The following TINAGL1 variants were observed in gnomAD, a reference collection of about 807,000 sequenced individuals.
The protein encoded by TINAGL1 is tubulointerstitial nephritis antigen like 1, also known as tubulointerstitial nephritis antigen-like.
Under a neutral mutation model 62.0 loss-of-function variants are expected in TINAGL1, and 34 were observed. That is an observed-to-expected ratio of 0.55 (90% CI 0.42 to 0.73). TINAGL1 has a LOEUF of 0.73. Ranked by LOEUF, TINAGL1 falls within the 30% of genes least tolerant of loss-of-function variation. The probability of loss-of-function intolerance (pLI) is 0.00; values close to 1 mark genes in which losing one functional copy is unlikely to be tolerated. For missense variants in TINAGL1, 516 were observed against 653.2 expected (o/e 0.79, Z 2.29); for synonymous variants, 221 against 249.7 (o/e 0.88, Z 1.08).
chr1:31,583,162 A>G lies in TINAGL1; in HGVS notation c.388A>G (p.Asn130Asp), dbSNP rs1437562940. The change falls in exon 4 of 12, where the codon AAC becomes GAC. Residue 130 changes from asparagine to aspartate, a missense_variant. By Grantham distance (23) the Asn-to-Asp change is conservative. Transcript: ENST00000271064. The surrounding 1 kb of genome is among the most constrained non-coding windows in gnomAD (Gnocchi z 4.4). The part of the protein sequence containing the change: ...DNCNRCTCQE[N>D]RQWQCDQEPC... Reference sequence around the variant, plus strand: ...TTTTCTCACCAGCACCTGCCAGGAGAACAGGCAGTGGCAGTGTGACCAAGA... The same window carrying G: ...TTTTCTCACCAGCACCTGCCAGGAGGACAGGCAGTGGCAGTGTGACCAAGA... 6.8e-6 allele frequency: 11 copies of G among 1,613,926 alleles called. No individual in the cohort carries two copies. Among genetic ancestry groups the G allele is most frequent in the Non-Finnish European group, 9.3e-6 (11 of 1,179,960 alleles).
At chr1:31,579,434 T>TAG (rs1329913165) in intron 3 of TINAGL1, among the ~76,000 whole-genome samples, 167 bp downstream of exon 3, 1 of 152,216 alleles carries the variant, frequency 6.6e-6, no homozygotes, top group African/African-American at 2.4e-5. Context: ...CAAGTCAACT[T>TAG]ATCTAACATC....
intron 3 of TINAGL1, among the ~76,000 whole-genome samples, chr1:31,581,402 G>A (rs1361021497): frequency 3.3e-5 from 5 of 152,084 alleles, no homozygotes; most frequent in Non-Finnish European, 4.4e-5. Flanking sequence ...AGGGGCGAGA[G>A]GTAGGTGGAT....
In TINAGL1 at chr1:31,587,014, C is replaced by T. The variant is rs1442345033; in HGVS notation, c.*35C>T. 2 of 1,431,622 alleles carry T rather than the reference C, an allele frequency of 1.4e-6. No homozygotes were observed. The highest frequency in any genetic ancestry group is 1.5e-5 in the South Asian group (1 of 66,574). 88.7% of individuals were successfully genotyped at this position (1,431,622 alleles called of 1,614,324 possible). A position where few individuals can be genotyped will look rare whatever the true frequency, so the allele number is the denominator to read the frequency against. Reference sequence around the variant, plus strand: ...CACCACGCGGGGTCCGGCCTGGGATCCAGGCTAAGGGCCGGCGGAAGAGGC... The same window carrying T: ...CACCACGCGGGGTCCGGCCTGGGATTCAGGCTAAGGGCCGGCGGAAGAGGC... On this transcript the variant is annotated 3_prime_UTR_variant, in exon 12 of 12. Transcript: ENST00000271064.
chr1:31,582,819 G>C (rs115552456), intron 3 of TINAGL1, among the ~76,000 whole-genome samples: 244 of 151,942 alleles, frequency 1.6e-3, no homozygotes, highest in African/African-American at 5.7e-3. Context: ...AGGAAGGATA[G>C]AGTTGCCGTT....
In TINAGL1 at chr1:31,576,960, C is replaced by G; in HGVS notation, c.-15-174C>G. The G allele has an allele frequency of 1.7e-6, 1 of 589,928 alleles. No individual in the cohort carries two copies. 36.5% of individuals were successfully genotyped at this position (589,928 alleles called of 1,614,324 possible). Reference sequence around the variant, plus strand: ...CTCCGTTTCTGCCCAGTCCCCATCCCCCTATAGCCAGGGCCCACACACTGG... The same window carrying G: ...CTCCGTTTCTGCCCAGTCCCCATCCGCCTATAGCCAGGGCCCACACACTGG... On this transcript the variant is annotated intron_variant, in intron 1 of 11. Transcript: ENST00000271064. This position sits in a 1 kb window ranked among gnomAD's most constrained non-coding sequence, Gnocchi z 5.1.
chr1:31,580,495 T>C (rs1639214895), intron 3 of TINAGL1: 2 of 1,289,102 alleles, frequency 1.6e-6, no homozygotes, highest in African/African-American at 3.0e-5. Flanking sequence ...TGCTGCTGCC[T>C]AGGTGTGCAG....
Position 31,587,153 on chromosome 1 carries a change from G to A in TINAGL1, c.*174G>A, listed in dbSNP as rs543436980. The stretch of plus-strand genomic sequence containing the variant: ...ACGCAGCGCCCCGCCTGGGAGCCGC[G>A]GGCAGGCGAGACTGGCGGAGCCCCC... On this transcript the variant is annotated 3_prime_UTR_variant, in exon 12 of 12. Coordinates refer to ENST00000271064, the MANE Select transcript of TINAGL1 (RefSeq NM_022164.3). The A allele has an allele frequency of 3.8e-5, 40 of 1,039,232 alleles. No homozygotes were observed. The highest frequency in any genetic ancestry group is 3.4e-4 in the Middle Eastern group (1 of 2,912). 64.4% of individuals were successfully genotyped at this position (1,039,232 alleles called of 1,614,324 possible).
At position 31,587,160 on chromosome 1, in the gene TINAGL1, C is replaced by A. The variant is rs1639420554; in HGVS notation, c.*181C>A. ...GCCCCGCCTGGGAGCCGCGGGCAGG[C>A]GAGACTGGCGGAGCCCCCAGACCTC... On this transcript the variant is annotated 3_prime_UTR_variant, in exon 12 of 12. Transcript: ENST00000271064. 2 of 973,624 alleles carry A rather than the reference C, an allele frequency of 2.1e-6. No individual in the cohort carries two copies. Among genetic ancestry groups the A allele is most frequent in the Non-Finnish European group, 2.7e-6 (2 of 741,830 alleles). 60.3% of individuals were successfully genotyped at this position (973,624 alleles called of 1,614,324 possible). A position where few individuals can be genotyped will look rare whatever the true frequency, so the allele number is the denominator to read the frequency against.
At position 31,586,533 on chromosome 1, in the gene TINAGL1, G is replaced by A. The variant is rs1015776558; in HGVS notation, c.1218-177G>A. On this transcript the variant is annotated intron_variant, in intron 10 of 11. Transcript: ENST00000271064. ...CTCCCATGCTGGGCCTGGGTGCACCGACTTACAGATGTGAGAGTGAGGGAG... is the reference window on the plus strand; with the variant it reads ...CTCCCATGCTGGGCCTGGGTGCACCAACTTACAGATGTGAGAGTGAGGGAG... The A allele has an allele frequency of 3.2e-5, 23 of 714,486 alleles. No homozygotes were observed. In the African/African-American group the frequency reaches 4.0e-4, roughly 13 times the overall value. 44.3% of individuals were successfully genotyped at this position (714,486 alleles called of 1,614,324 possible). A position where few individuals can be genotyped will look rare whatever the true frequency, so the allele number is the denominator to read the frequency against.
chr1:31,578,244 G>GTGTGTGTT, intron 2 of TINAGL1: 1 of 204,096 alleles, frequency 4.9e-6, no homozygotes, highest in South Asian at 2.0e-4. Context: ...GTGAGAGCTG[G>GTGTGTGTT]TGTGTGTGTG....
Position 31,585,319 on chromosome 1 carries a change from T to C in TINAGL1, c.1026T>C (p.Pro342=). The change falls in exon 8 of 12, where the codon CCT becomes CCC. Residue 342 remains proline, a synonymous_variant. Coordinates refer to ENST00000271064, the MANE Select transcript of TINAGL1 (RefSeq NM_022164.3). This position sits in a 1 kb window ranked among gnomAD's most constrained non-coding sequence, Gnocchi z 4.3. ...VNNNDIYQVT[P]VYRLGSNDKE... The stretch of plus-strand genomic sequence containing the variant: ...ACAATGACATCTACCAGGTCACTCC[T>C]GTCTACCGCCTCGGCTCCAACGTAA... 6.2e-7 allele frequency: 1 copy of C among 1,607,240 alleles called. No homozygotes were observed. Among genetic ancestry groups the C allele is most frequent in the Non-Finnish European group, 8.5e-7 (1 of 1,175,746 alleles).
intron 10 of TINAGL1, 107 bp from the exon 11 acceptor site, chr1:31,586,603 C>T (rs1433060949): frequency 9.6e-6 from 13 of 1,347,220 alleles, no homozygotes; most frequent in African/African-American, 1.4e-5. Flanking sequence ...AGGGTGTACC[C>T]AACCCTCCAA....
chr1:31,577,443 T>A lies in TINAGL1; in HGVS notation c.295T>A (p.Phe99Ile). ...WDFCLGVPPP[F>I]PPIQGCMHGG... ...CTTCTGCCTCGGCGTGCCACCCCCT[T>A]TTCCCCCGATCCAAGGTGGGCACTA... The change falls in exon 2 of 12, where the codon TTT (phenylalanine) becomes ATT (isoleucine). Residue 99 changes from phenylalanine to isoleucine, a missense_variant. Transcript: ENST00000271064. The surrounding 1 kb of genome is among the most constrained non-coding windows in gnomAD (Gnocchi z 5.4). 6.2e-7 allele frequency: 1 copy of A among 1,611,040 alleles called. No homozygotes were observed. The highest frequency in any genetic ancestry group is 8.5e-7 in the Non-Finnish European group (1 of 1,178,272).
At chr1:31,586,010 G>A in intron 10 of TINAGL1, 134 bp downstream of exon 10, 1 of 1,245,870 alleles carries the variant, frequency 8.0e-7, no homozygotes. Flanking sequence ...AGAAAACTGA[G>A]ACTCAGAAAG....
rs376868878 is a variant in TINAGL1, at chr1:31,583,625, C to T, written c.582+50C>T. 2 of 1,498,936 alleles carry T rather than the reference C, an allele frequency of 1.3e-6. No individual in the cohort carries two copies. The highest frequency in any genetic ancestry group is 3.8e-5 in the Admixed American group (2 of 53,158). The allele number at this position is 1,498,936 out of a possible 1,614,324, so 92.9% of individuals were successfully genotyped here. A position where few individuals can be genotyped will look rare whatever the true frequency, so the allele number is the denominator to read the frequency against. On this transcript the variant is annotated intron_variant, in intron 5 of 11. Coordinates refer to ENST00000271064, the MANE Select transcript of TINAGL1 (RefSeq NM_022164.3). The surrounding 1 kb of genome is among the most constrained non-coding windows in gnomAD (Gnocchi z 4.4). ...CTGCCATCTCCCCATGGCTCAGAAC[C>T]TCAGGGATGCTGGCCCTGTGCCCTG... is the stretch of plus-strand genomic sequence containing the variant.
chr1:31,577,041 C>A lies in TINAGL1; in HGVS notation c.-15-93C>A. ...TCAGGAATCGGGATCTCCCTCCCTG[C>A]TGGGCCCTCTTGAACTCACAGCTCC... On this transcript the variant is annotated intron_variant, in intron 1 of 11. Transcript: ENST00000271064. The surrounding 1 kb of genome is among the most constrained non-coding windows in gnomAD (Gnocchi z 5.4). 8.5e-7 allele frequency: 1 copy of A among 1,175,294 alleles called. No individual in the cohort carries two copies. Among genetic ancestry groups the A allele is most frequent in the Non-Finnish European group, 1.2e-6 (1 of 866,890 alleles). The allele number at this position is 1,175,294 out of a possible 1,614,324, so 72.8% of individuals were successfully genotyped here.
At position 31,584,677 on chromosome 1, in the gene TINAGL1, G is replaced by T. The variant is rs752901214; in HGVS notation, c.583-1G>T. ...CAGACAGGGCAACCTTTATCTTGCA[G>T]ACAGTGCTGAACCCAGGGGAGGTGC... On this transcript the variant is annotated splice_acceptor_variant, in intron 5 of 11. Transcript: ENST00000271064. LOFTEE classifies it high-confidence loss of function. The surrounding 1 kb of genome is among the most constrained non-coding windows in gnomAD (Gnocchi z 4.0). 6.2e-7 allele frequency: 1 copy of T among 1,613,312 alleles called. No individual in the cohort carries two copies. Among genetic ancestry groups the T allele is most frequent in the Non-Finnish European group, 8.5e-7 (1 of 1,180,036 alleles).
rs890472170 is a variant in TINAGL1 at position 31,583,077 on chromosome 1, C to A, written c.375-72C>A. On this transcript the variant is annotated intron_variant, in intron 3 of 11. Transcript: ENST00000271064. The surrounding 1 kb of genome is among the most constrained non-coding windows in gnomAD (Gnocchi z 4.4). ...CACAGACTCCCTGGCCCATGTTAAC[C>A]TCCGAGGCCACATTCCTTCAAAGTA... The A allele has an allele frequency of 7.1e-7, 1 of 1,399,548 alleles. No individual in the cohort carries two copies. The highest frequency in any genetic ancestry group is 2.3e-5 in the East Asian group (1 of 43,868). The allele number at this position is 1,399,548 out of a possible 1,614,324, so 86.7% of individuals were successfully genotyped here. A position where few individuals can be genotyped will look rare whatever the true frequency, so the allele number is the denominator to read the frequency against.
Position 31,586,982 on chromosome 1 carries a change from C to T in TINAGL1, c.*3C>T. Reference sequence around the variant, plus strand: ...TGGAGGACATGGGTCATCACTGAGGCTGCGGGCACCACGCGGGGTCCGGCC... The same window carrying T: ...TGGAGGACATGGGTCATCACTGAGGTTGCGGGCACCACGCGGGGTCCGGCC... On this transcript the variant is annotated 3_prime_UTR_variant, in exon 12 of 12. Transcript: ENST00000271064. 6.7e-7 allele frequency: 1 copy of T among 1,481,760 alleles called. No individual in the cohort carries two copies. Among genetic ancestry groups the T allele is most frequent in the East Asian group, 2.4e-5 (1 of 41,108 alleles). 91.8% of individuals were successfully genotyped at this position (1,481,760 alleles called of 1,614,324 possible).
Sources: allele counts gnomAD v4.1 joint callset (sites outside exome capture counted in the v4.1 genomes callset), GRCh38; gene constraint gnomAD v4.1.1; non-coding constraint Gnocchi (gnomAD v3.1); transcripts MANE v1.5; gene names NCBI Gene and HGNC (gene_info 2026-07-23, HGNC 2026-07-21).